KALRN: variants seen among roughly 807,000 people sequenced by gnomAD.
The protein encoded by KALRN is kalirin.
A neutral mutation model predicts 353.7 loss-of-function variants in KALRN; 70 were observed. The observed-to-expected ratio is 0.20, with a 90% CI of 0.16 to 0.24. The LOEUF (loss-of-function observed/expected upper bound fraction) is 0.24. Ranked by LOEUF, KALRN falls within the 10% of genes least tolerant of loss-of-function variation. KALRN has a pLI of 1.00. For synonymous variants in KALRN, 1,391 were observed against 1,434.8 expected (o/e 0.97, Z 0.69); for missense variants, 2,791 against 3,756.7 (o/e 0.74, Z 6.72).
At chr3:124,513,530 T>C (rs1217408167) in intron 33 of KALRN, among the ~76,000 whole-genome samples, 1 of 152,124 alleles carries the variant, frequency 6.6e-6, no homozygotes, top group Non-Finnish European at 1.5e-5. Flanking sequence ...CCCGAACCCA[T>C]TACCCTCTCT....
intron 33 of KALRN, among the ~76,000 whole-genome samples, chr3:124,517,828 A>G (rs2066792190): frequency 6.6e-6 from 1 of 152,240 alleles, no homozygotes; most frequent in South Asian, 2.1e-4. Context: ...TCAACGATGT[A>G]CTATATAAAT....
At chr3:124,414,264 T>C (rs1161367755) in intron 14 of KALRN, among the ~76,000 whole-genome samples, 2 of 152,156 alleles carry the variant, frequency 1.3e-5, no homozygotes, top group African/African-American at 4.8e-5. Flanking sequence ...AATGGTAGCC[T>C]GGAAAAACAA....
intron 33 of KALRN, among the ~76,000 whole-genome samples, chr3:124,503,944 A>G (rs1390797320): frequency 6.6e-6 from 1 of 152,230 alleles, no homozygotes; most frequent in Non-Finnish European, 1.5e-5. Flanking sequence ...ACCTCCCTCA[A>G]GAAACCCATC....
intron 1 of KALRN, among the ~76,000 whole-genome samples, chr3:124,155,139 C>G (rs2068787475): frequency 6.6e-6 from 1 of 152,110 alleles, no homozygotes; most frequent in Non-Finnish European, 1.5e-5. Context: ...AACCTTGGAC[C>G]TAAAACCATA....
rs76766392 is a variant in KALRN at position 124,477,062 on chromosome 3, A to G, written c.4102-183A>G. Among the ~76,000 whole-genome samples the G allele has an allele frequency of 3.6e-3, 544 of 152,352 alleles. 4 individuals are homozygous for G. Among genetic ancestry groups the G allele is most frequent in the African/African-American group, 0.012 (516 of 41,576 alleles). On this transcript the variant is annotated intron_variant, in intron 26 of 59. Coordinates refer to ENST00000682506, the MANE Select transcript of KALRN (RefSeq NM_001388419.1). ...CTTTCTCCACGTGCTGACAGGAGAA[A>G]GACATCCCAATGTCCGTTAGGGGAC...
intron 1 of KALRN, among the ~76,000 whole-genome samples, chr3:124,188,165 C>G (rs542636429): frequency 6.6e-6 from 1 of 152,244 alleles, no homozygotes; most frequent in African/African-American, 2.4e-5. Flanking sequence ...CTTAAACGTA[C>G]GCAAGAATCA....
chr3:124,077,954 G>A (rs2060344150), intron 1 of KALRN, among the ~76,000 whole-genome samples: 1 of 152,156 alleles, frequency 6.6e-6, no homozygotes, highest in Admixed American at 6.6e-5. Flanking sequence ...TTTGTGATAG[G>A]GGGTTTTACA....
chr3:124,094,762 C>T (rs1007952016), intron 1 of KALRN: 51 of 1,280,414 alleles, frequency 4.0e-5, no homozygotes, highest in Non-Finnish European at 5.5e-5. Context: ...CAAGTGATTC[C>T]GGCCTCCTCG....
chr3:124,573,332 G>T (rs1242306686), intron 34 of KALRN, among the ~76,000 whole-genome samples: 15 of 152,298 alleles, frequency 9.8e-5, no homozygotes, highest in Non-Finnish European at 2.9e-5. Flanking sequence ...GGTAGACTTT[G>T]CAGTCCAGTT....
chr3:124,035,048 C>A (rs1406413743), intron 1 of KALRN, among the ~76,000 whole-genome samples: 1 of 152,064 alleles, frequency 6.6e-6, no homozygotes, highest in East Asian at 1.9e-4. Flanking sequence ...TATGTTCATT[C>A]TCTAGTTGAT....
chr3:124,434,268 T>C, intron 16 of KALRN, 39 bp from the exon 17 acceptor site: 2 of 1,571,352 alleles, frequency 1.3e-6, no homozygotes, highest in South Asian at 1.1e-5. Context: ...CACGCCTGGG[T>C]TGTTCCCACG....
At chr3:124,216,004 A>G (rs1347208742) in intron 1 of KALRN, among the ~76,000 whole-genome samples, 1 of 152,218 alleles carries the variant, frequency 6.6e-6, no homozygotes, top group Non-Finnish European at 1.5e-5. Context: ...CGGGGGTGTC[A>G]TAAGTTTGGA....
chr3:124,401,528 A>G (rs1353836723), intron 13 of KALRN, among the ~76,000 whole-genome samples: 1 of 152,168 alleles, frequency 6.6e-6, no homozygotes, highest in African/African-American at 2.4e-5. Context: ...AAATAAACAA[A>G]TAAATTATTG....
intron 4 of KALRN, among the ~76,000 whole-genome samples, chr3:124,267,344 C>T (rs1356221954): frequency 6.6e-6 from 1 of 152,110 alleles, no homozygotes; most frequent in Non-Finnish European, 1.5e-5. Context: ...CAGATTCTGC[C>T]TCAATAGGTC....
intron 1 of KALRN, among the ~76,000 whole-genome samples, chr3:124,154,872 T>A (rs1241974007): frequency 6.6e-6 from 1 of 152,196 alleles, no homozygotes; most frequent in Non-Finnish European, 1.5e-5. Context: ...ACTACAAGGC[T>A]ACAGTAACCA....
chr3:124,111,820 G>T (rs1182424735), intron 1 of KALRN, among the ~76,000 whole-genome samples: 2 of 152,100 alleles, frequency 1.3e-5, no homozygotes, highest in African/African-American at 4.8e-5. Context: ...AAGATATATA[G>T]CAGGAAGAAT....
At chr3:124,380,883 A>G (rs1366674209) in intron 10 of KALRN, among the ~76,000 whole-genome samples, 1 of 152,206 alleles carries the variant, frequency 6.6e-6, no homozygotes, top group Non-Finnish European at 1.5e-5. Context: ...GTCTTGTACC[A>G]GGTAGTTGAT....
chr3:124,694,205 T>C, intron 52 of KALRN, 127 bp from the exon 53 acceptor site: 2 of 890,888 alleles, frequency 2.2e-6, no homozygotes, highest in Non-Finnish European at 3.6e-6. Flanking sequence ...TCACCAGTGT[T>C]ATACTGAAGG....
At chr3:124,462,110 A>G (rs2059914992) in intron 24 of KALRN, among the ~76,000 whole-genome samples, 154 bp downstream of exon 24, 1 of 152,234 alleles carries the variant, frequency 6.6e-6, no homozygotes, top group East Asian at 1.9e-4. Flanking sequence ...TAAAGTCAAC[A>G]ATAATTACAT....
Sources: gnomAD v4.1 joint callset for allele counts (sites outside exome capture counted in the v4.1 genomes callset) on GRCh38, gnomAD v4.1.1 for gene constraint, MANE v1.5 for transcripts, NCBI Gene and HGNC (gene_info 2026-07-23, HGNC 2026-07-21) for gene names.